The following EXOC2 variants were observed in gnomAD, a reference collection of about 807,000 sequenced individuals.
The protein encoded by EXOC2 is exocyst complex component 2.
In EXOC2, 70 loss-of-function variants were observed where a neutral mutation model predicts 131.8. The observed-to-expected ratio is 0.53, with a 90% CI of 0.44 to 0.65. The LOEUF (loss-of-function observed/expected upper bound fraction) is 0.65, where lower values mean the gene tolerates loss of function less well. Among genes scored for constraint, EXOC2 ranks in the 30% least tolerant of loss-of-function variants. EXOC2 has a pLI of 0.00. For synonymous variants in EXOC2, 411 were observed against 398.4 expected (o/e 1.03, Z -0.38); for missense variants, 923 against 1,108.6 (o/e 0.83, Z 2.38).
chr6:649,112 A>G (rs1017566807), intron 1 of EXOC2, among the ~76,000 whole-genome samples: 1 of 152,082 alleles, frequency 6.6e-6, no homozygotes, highest in African/African-American at 2.4e-5. Context: ...ACTGCCTCCA[A>G]TTTCTGGCTT....
chr6:620,748 CT>C (rs1466848320), intron 4 of EXOC2, among the ~76,000 whole-genome samples: 1 of 152,082 alleles, frequency 6.6e-6, no homozygotes, highest in Non-Finnish European at 1.5e-5. Flanking sequence ...TTTTTCTTCC[CT>C]CTTCCCAGCC....
At chr6:504,819 T>C (rs1047652814) in intron 23 of EXOC2, among the ~76,000 whole-genome samples, 1 of 152,240 alleles carries the variant, frequency 6.6e-6, no homozygotes, top group African/African-American at 2.4e-5. Context: ...GGTGGTGATA[T>C]AAGAAAGTGG....
chr6:543,538 A>G (rs1339420027), intron 22 of EXOC2, among the ~76,000 whole-genome samples: 2 of 152,202 alleles, frequency 1.3e-5, no homozygotes, highest in Non-Finnish European at 2.9e-5. Context: ...TGTATTGTGT[A>G]TTTCAAAAGT....
chr6:490,850 A>G (rs1447571675), intron 26 of EXOC2, among the ~76,000 whole-genome samples: 1 of 152,228 alleles, frequency 6.6e-6, no homozygotes, highest in Non-Finnish European at 1.5e-5. Flanking sequence ...TCTGCTATGA[A>G]CAGACTAAGA....
At chr6:683,824 C>T (rs933640452) in intron 1 of EXOC2, among the ~76,000 whole-genome samples, 5 of 152,172 alleles carry the variant, frequency 3.3e-5, no homozygotes, top group African/African-American at 1.2e-4. Context: ...GCAAAATAAT[C>T]ACAGCACTCA....
chr6:682,292 C>T (rs1035631863), intron 1 of EXOC2, among the ~76,000 whole-genome samples: 1 of 151,526 alleles, frequency 6.6e-6, no homozygotes, highest in Admixed American at 6.6e-5. Flanking sequence ...CTCTGCCTTC[C>T]GGGTTCATGC....
chr6:664,118 T>C (rs535911249), intron 1 of EXOC2, among the ~76,000 whole-genome samples: 37 of 152,328 alleles, frequency 2.4e-4, no homozygotes, highest in Non-Finnish European at 4.6e-4. Context: ...CACAAATCAG[T>C]AGCTCTTCTC....
At chr6:495,743 G>A (rs996544383) in intron 25 of EXOC2, among the ~76,000 whole-genome samples, 5 of 152,150 alleles carry the variant, frequency 3.3e-5, no homozygotes, top group Admixed American at 6.5e-5. Flanking sequence ...TGATGGCATC[G>A]CATTGTAGTG....
chr6:494,761 A>G (rs1435373889), intron 25 of EXOC2, among the ~76,000 whole-genome samples: 2 of 152,234 alleles, frequency 1.3e-5, no homozygotes. Context: ...ACTGTGCTGT[A>G]TCAGTAATTT....
In EXOC2 at chr6:596,201, C is replaced by T. The variant is rs142199268; in HGVS notation, c.1073+1820G>A. On this transcript the variant is annotated intron_variant, in intron 10 of 27. Transcript: ENST00000230449. ...ACACAGCACCCTCTCTTCATCCCAC[C>T]GCCACTGCCTCTGCTTGCTTCCTCC... Among the ~76,000 whole-genome samples, 179 of 151,878 alleles carry T rather than the reference C, an allele frequency of 1.2e-3. 2 individuals are homozygous for T. The East Asian group carries it at 0.023, about 20-fold the overall frequency.
At chr6:578,139 G>A (rs1371109750) in intron 11 of EXOC2, among the ~76,000 whole-genome samples, 1 of 152,112 alleles carries the variant, frequency 6.6e-6, no homozygotes, top group Non-Finnish European at 1.5e-5. Context: ...CATGTAGTAA[G>A]TGACTGACAC....
intron 1 of EXOC2, among the ~76,000 whole-genome samples, chr6:659,409 G>A (rs1445141586): frequency 1.3e-5 from 2 of 152,158 alleles, no homozygotes; most frequent in Admixed American, 6.5e-5. Flanking sequence ...TCCAGACAGA[G>A]CAGCATGCGA....
intron 23 of EXOC2, among the ~76,000 whole-genome samples, chr6:517,095 C>T (rs13204206): frequency 0.04 from 6,011 of 152,138 alleles, 163 homozygotes; most frequent in Middle Eastern, 0.071. Context: ...TGAGACTGAA[C>T]GAGAGCTATG....
intron 1 of EXOC2, among the ~76,000 whole-genome samples, chr6:660,905 A>C (rs1415688655): frequency 6.6e-6 from 1 of 152,228 alleles, no homozygotes; most frequent in African/African-American, 2.4e-5. Flanking sequence ...CAAATAAACA[A>C]TACAAAAAGT....
chr6:523,891 G>T (rs1256861975), intron 23 of EXOC2, among the ~76,000 whole-genome samples: 1 of 152,162 alleles, frequency 6.6e-6, no homozygotes. Context: ...ATTTTCCGCT[G>T]AATTGATAAC....
intron 6 of EXOC2, among the ~76,000 whole-genome samples, chr6:610,909 G>A (rs2127664137): frequency 6.6e-6 from 1 of 152,334 alleles, no homozygotes; most frequent in Middle Eastern, 3.4e-3. Context: ...GAAAGAAGGA[G>A]TATATTTGGG....
chr6:600,066 T>C (rs1760046843), intron 7 of EXOC2, among the ~76,000 whole-genome samples: 1 of 152,192 alleles, frequency 6.6e-6, no homozygotes, highest in Non-Finnish European at 1.5e-5. Flanking sequence ...CATTATCTGG[T>C]CTAGTGACTA....
rs747255858 is a variant in EXOC2, at chr6:555,930, A to G, written c.1992+24T>C. 8.7e-6 allele frequency: 14 copies of G among 1,609,572 alleles called. No individual in the cohort carries two copies. The South Asian group carries it at 1.3e-4, about 15-fold the overall frequency. On this transcript the variant is annotated intron_variant, in intron 19 of 27. Transcript: ENST00000230449. ...ACACTTAGTATTATTTGAGGCTTTC[A>G]GCATTACTGCTTTCTATTATTACCT...
chr6:505,590 G>GCCCCA (rs1764501769), intron 23 of EXOC2, among the ~76,000 whole-genome samples: 1 of 152,148 alleles, frequency 6.6e-6, no homozygotes, highest in Non-Finnish European at 1.5e-5. Context: ...GGACGGCCCC[G>GCCCCA]CCCCACCCCA....
Sources: gnomAD v4.1 joint callset for allele counts (sites outside exome capture counted in the v4.1 genomes callset) on GRCh38, gnomAD v4.1.1 for gene constraint, MANE v1.5 for transcripts, NCBI Gene and HGNC (gene_info 2026-07-23, HGNC 2026-07-21) for gene names.